The following RNASET2 variants were observed in gnomAD, a reference collection of about 807,000 sequenced individuals.
RNASET2 encodes the protein ribonuclease T2, also known as ribonuclease 6.
Under a neutral mutation model 33.9 loss-of-function variants are expected in RNASET2, and 28 were observed. The observed-to-expected ratio is 0.83, with a 90% CI of 0.61 to 1.13. The LOEUF (loss-of-function observed/expected upper bound fraction) is 1.13, where lower values mean the gene tolerates loss of function less well. Among genes scored for constraint, RNASET2 ranks in the 50% most tolerant of loss-of-function variants. RNASET2 has a pLI of 0.00. For synonymous variants in RNASET2, 123 were observed against 121.0 expected (o/e 1.02, Z -0.11); for missense variants, 330 against 319.9 (o/e 1.03, Z -0.24).
At chr6:166,950,075 C>T (rs183362207) in intron 2 of RNASET2, among the ~76,000 whole-genome samples, 1 of 152,350 alleles carries the variant, frequency 6.6e-6, no homozygotes, top group Admixed American at 6.5e-5. Flanking sequence ...CCCATATTTA[C>T]ATTCAGTGTG....
At chr6:166,945,690 C>A (rs575763834) in intron 4 of RNASET2, among the ~76,000 whole-genome samples, 1 of 152,024 alleles carries the variant, frequency 6.6e-6, no homozygotes, top group East Asian at 1.9e-4. Flanking sequence ...ATAAGCCGGG[C>A]ATGGTGGCGC....
At chr6:166,942,055 C>CTTT (rs1449351659) in intron 5 of RNASET2, among the ~76,000 whole-genome samples, 2 of 33,458 alleles carry the variant, frequency 6.0e-5, no homozygotes, top group South Asian at 1.1e-3. Context: ...TAGAAGACAT[C>CTTT]TTCTTTTTTT....
chr6:166,934,407 C>A lies in RNASET2; in HGVS notation c.447-271G>T, dbSNP rs1778518555. On this transcript the variant is annotated intron_variant, in intron 6 of 8. Transcript: ENST00000508775. ...TCGGAGCATGGGAGCGCTGGGGCCACCACCGAGTGGAGCTGGCACACACAT... is the reference window on the plus strand; with the variant it reads ...TCGGAGCATGGGAGCGCTGGGGCCAACACCGAGTGGAGCTGGCACACACAT... The A allele has an allele frequency of 1.3e-5, 6 of 456,832 alleles. No homozygotes were observed. The South Asian group carries it at 1.4e-4, about 11-fold the overall frequency. 28.3% of individuals were successfully genotyped at this position (456,832 alleles called of 1,614,324 possible).
chr6:166,955,229 A>ACGCACACGCACGCACACACG (rs1562506654), intron 1 of RNASET2, among the ~76,000 whole-genome samples: 1 of 89,292 alleles, frequency 1.1e-5, no homozygotes, highest in African/African-American at 6.4e-5. Context: ...ACGCGCACAC[A>ACGCACACGCACGCACACACG]CGCACGCACG....
chr6:166,954,879 C>T (rs1226921343), intron 1 of RNASET2, among the ~76,000 whole-genome samples: 2 of 152,080 alleles, frequency 1.3e-5, no homozygotes, highest in African/African-American at 2.4e-5. Flanking sequence ...GTAATCCCAC[C>T]TACTCAGAGG....
At chr6:166,943,779 G>A (rs1163430618) in intron 4 of RNASET2, 1 of 470,054 alleles carries the variant, frequency 2.1e-6, no homozygotes. Flanking sequence ...GGGGAAGGGA[G>A]TGAACTGTCT....
chr6:166,922,744 C>A lies in RNASET2; in HGVS notation c.*6844G>T, dbSNP rs762794490. On this transcript the variant is annotated 3_prime_UTR_variant, in exon 9 of 9. Transcript: ENST00000508775. ...ATTCAGGTTAAATATTTTCAAAACA[C>A]CTACTATGCTCAAGTAGCTGTGTTC... 2.0e-5 allele frequency among the ~76,000 whole-genome samples: 3 copies of A among 152,184 alleles called. No individual in the cohort carries two copies. Among genetic ancestry groups the A allele is most frequent in the Non-Finnish European group, 4.4e-5 (3 of 68,038 alleles).
At chr6:166,938,527 G>A (rs1231533573) in intron 6 of RNASET2, 2 of 536,582 alleles carry the variant, frequency 3.7e-6, no homozygotes, top group Admixed American at 3.9e-5. Context: ...CAGACTTCCA[G>A]AGTTTCCGTC....
At chr6:166,948,936 C>T (rs537814508) in intron 2 of RNASET2, among the ~76,000 whole-genome samples, 1 of 152,260 alleles carries the variant, frequency 6.6e-6, no homozygotes, top group East Asian at 1.9e-4. Context: ...TTTTATGGGC[C>T]AGGCGCAGTG....
rs372273901 is a variant in RNASET2, at chr6:166,952,504, G to A, written c.131C>T (p.Pro44Leu). The A allele has an allele frequency of 9.9e-6, 16 of 1,613,878 alleles. No homozygotes were observed. The highest frequency in any genetic ancestry group is 1.4e-5 in the Non-Finnish European group (16 of 1,179,810). Residue 44 changes from proline (P) to leucine (L), a missense_variant, in exon 2 of 9, where the codon CCT (proline) becomes CTT (leucine). Coordinates refer to ENST00000508775, the MANE Select transcript of RNASET2 (RefSeq NM_003730.6). ...AACACTCACCTCGCATACTGTCTCA[G>A]GCCAGTGCTGAACCATAATTAGTTT... ...WKKLIMVQHW[P>L]ETVCEKIQND...
rs1562494898 is a variant in RNASET2 at position 166,934,151 on chromosome 6, TAA to T, written c.447-17_447-16del. 3 of 1,542,740 alleles carry T rather than the reference TAA, an allele frequency of 1.9e-6. No homozygotes were observed. The highest frequency in any genetic ancestry group is 4.5e-5 in the East Asian group (2 of 44,568). ...TTAGAAGCACACTAAAATTTAAATT[TAA>T]AAAAGTTAGCTGTATAATGAAGGTC... On this transcript the variant is annotated splice_polypyrimidine_tract_variant and intron_variant, in intron 6 of 8. Coordinates refer to ENST00000508775, the MANE Select transcript of RNASET2 (RefSeq NM_003730.6).
chr6:166,947,569 T>C (rs1218429242), intron 3 of RNASET2, among the ~76,000 whole-genome samples: 2 of 152,166 alleles, frequency 1.3e-5, no homozygotes, highest in Admixed American at 6.5e-5. Flanking sequence ...GAGCACTTGG[T>C]CACAGCAGGG....
intron 2 of RNASET2, among the ~76,000 whole-genome samples, chr6:166,952,281 A>T (rs1399633544): frequency 6.6e-6 from 1 of 152,202 alleles, no homozygotes; most frequent in Admixed American, 6.5e-5. Context: ...TCAGCCACCC[A>T]GCTTGTGGCA....
Position 166,924,266 on chromosome 6 carries a change from A to G in RNASET2, c.*5322T>C, listed in dbSNP as rs1014461501. Among the ~76,000 whole-genome samples, 1 of 151,528 alleles carries G rather than the reference A, an allele frequency of 6.6e-6. No homozygotes were observed. The highest frequency in any genetic ancestry group is 1.5e-5 in the Non-Finnish European group (1 of 67,894). On this transcript the variant is annotated 3_prime_UTR_variant, in exon 9 of 9. Transcript: ENST00000508775. ...CAGGTGCCCGCCACCATGCCCGGCC[A>G]ATTTTTGTATTTTTAGTAGAGATGG... is the stretch of plus-strand genomic sequence containing the variant.
intron 5 of RNASET2, among the ~76,000 whole-genome samples, chr6:166,942,483 T>A (rs1490259482): frequency 6.6e-6 from 1 of 152,192 alleles, no homozygotes; most frequent in Non-Finnish European, 1.5e-5. Context: ...AAAATTTGTA[T>A]CTTTATTTTG....
At chr6:166,949,327 C>G (rs1012609122) in intron 2 of RNASET2, among the ~76,000 whole-genome samples, 2 of 150,670 alleles carry the variant, frequency 1.3e-5, no homozygotes, top group African/African-American at 2.4e-5. Context: ...CCTGTGAAAC[C>G]CTGTCTCTAC....
At position 166,955,197 on chromosome 6, in the gene RNASET2, GCACGCA is replaced by G. The variant is rs1202185686; in HGVS notation, c.86+894_86+899del. On this transcript the variant is annotated intron_variant, in intron 1 of 8. Coordinates refer to ENST00000508775, the MANE Select transcript of RNASET2 (RefSeq NM_003730.6). The stretch of plus-strand genomic sequence containing the variant: ...CTGCCACACACACACACGCACACAC[GCACGCA>G]CACACGCACGCACACACGCGCACAC... Among the ~76,000 whole-genome samples, 186 of 119,100 alleles carry G rather than the reference GCACGCA, an allele frequency of 1.6e-3. 4 individuals are homozygous for G. Among genetic ancestry groups the G allele is most frequent in the African/African-American group, 6.6e-3 (179 of 27,188 alleles). 78.1% of individuals were successfully genotyped at this position (119,100 alleles called of 152,430 possible). A position where few individuals can be genotyped will look rare whatever the true frequency, so the allele number is the denominator to read the frequency against.
Position 166,956,254 on chromosome 6 carries a change from G to C in RNASET2, c.-72C>G, listed in dbSNP as rs1395969847. 4.3e-5 allele frequency: 59 copies of C among 1,373,666 alleles called. No homozygotes were observed. Among genetic ancestry groups the C allele is most frequent in the Non-Finnish European group, 5.5e-5 (54 of 987,582 alleles). 85.1% of individuals were successfully genotyped at this position (1,373,666 alleles called of 1,614,324 possible). On this transcript the variant is annotated 5_prime_UTR_variant, in exon 1 of 9. Transcript: ENST00000508775. ...CACTTCCCACCTGCTGCCCGAGGAA[G>C]ACTTCCGGGAGAAACGCTGTCTCCG...
rs7767454 is a variant in RNASET2, at chr6:166,955,275, A to G, written c.86+822T>C. Among the ~76,000 whole-genome samples the G allele has an allele frequency of 6.9e-4, 58 of 83,752 alleles. 3 individuals carry two copies. The highest frequency in any genetic ancestry group is 9.9e-4 in the African/African-American group (15 of 15,102). 54.9% of individuals were successfully genotyped at this position (83,752 alleles called of 152,430 possible). ...CACACACGCACACACACACACGCGCACACACGACACACACGCACAGACGCG... is the reference window on the plus strand; with the variant it reads ...CACACACGCACACACACACACGCGCGCACACGACACACACGCACAGACGCG... On this transcript the variant is annotated intron_variant, in intron 1 of 8. Coordinates refer to ENST00000508775, the MANE Select transcript of RNASET2 (RefSeq NM_003730.6).
Sources: gnomAD v4.1 joint callset for allele counts (sites outside exome capture counted in the v4.1 genomes callset) on GRCh38, gnomAD v4.1.1 for gene constraint, MANE v1.5 for transcripts, NCBI Gene and HGNC (gene_info 2026-07-23, HGNC 2026-07-21) for gene names.